Variants in SLC17A5 observed in about 807,000 individuals in gnomAD.
SLC17A5 encodes the protein solute carrier family 17 member 5.
In SLC17A5, 47 loss-of-function variants were observed where a neutral mutation model predicts 59.4. That is an observed-to-expected ratio of 0.79 (90% confidence interval 0.63 to 1.01). SLC17A5 has a LOEUF of 1.01. SLC17A5 is among the 50% of genes least tolerant of loss of function. The pLI is 0.00. For synonymous variants in SLC17A5, 202 were observed against 210.7 expected (o/e 0.96, Z 0.36); for missense variants, 522 against 595.5 (o/e 0.88, Z 1.28).
rs750559102 is a variant in SLC17A5 at position 73,635,397 on chromosome 6, T to A, written c.804A>T (p.Ser268=). ...ISHYEKEYIL[S]SLRNQLSSQK... The stretch of plus-strand genomic sequence containing the variant: ...AAGTCCATACCTGATTTCTTAATGA[T>A]GAAAGAATGTATTCCTTTTCATAAT... The change falls in exon 6 of 11, where the codon TCA becomes TCT. Residue 268 remains serine, a synonymous_variant. Coordinates refer to ENST00000355773, the MANE Select transcript of SLC17A5 (RefSeq NM_012434.5). 1.3e-6 allele frequency: 2 copies of A among 1,566,514 alleles called. No individual in the cohort carries two copies. Among genetic ancestry groups the A allele is most frequent in the Non-Finnish European group, 1.8e-6 (2 of 1,138,446 alleles).
At chr6:73,635,628 A>G (rs1459587854) in intron 5 of SLC17A5, 128 bp from the exon 6 acceptor site, 3 of 599,466 alleles carry the variant, frequency 5.0e-6, no homozygotes, top group African/African-American at 1.9e-5. Context: ...TTATGTAACT[A>G]TAAATTCAAT....
Position 73,621,793 on chromosome 6 carries a change from T to G in SLC17A5, c.978+11A>C, listed in dbSNP as rs757453706. 1 of 1,590,890 alleles carries G rather than the reference T, an allele frequency of 6.3e-7. No individual in the cohort carries two copies. Among genetic ancestry groups the G allele is most frequent in the Admixed American group, 1.7e-5 (1 of 59,766 alleles). On this transcript the variant is annotated intron_variant, in intron 7 of 10. Coordinates refer to ENST00000355773, the MANE Select transcript of SLC17A5 (RefSeq NM_012434.5). ...TATATATATAAGAAGCAGATGATTA[T>G]TTTTTCTTACCTCTTGAACATTGAA...
rs1769121550 is a variant in SLC17A5 at position 73,638,359 on chromosome 6, A to G, written c.613+53T>C. The stretch of plus-strand genomic sequence containing the variant: ...CTGGTATGCAGGCCCTTTTTCCCAA[A>G]GGTTGATATATACATAACATATTAC... On this transcript the variant is annotated intron_variant, in intron 4 of 10. Coordinates refer to ENST00000355773, the MANE Select transcript of SLC17A5 (RefSeq NM_012434.5). 5.2e-6 allele frequency: 7 copies of G among 1,335,472 alleles called. No individual in the cohort carries two copies. In the South Asian group the frequency reaches 8.4e-5, roughly 16 times the overall value. 82.7% of individuals were successfully genotyped at this position (1,335,472 alleles called of 1,614,324 possible).
intron 7 of SLC17A5, among the ~76,000 whole-genome samples, chr6:73,616,678 G>C (rs974383380): frequency 6.7e-6 from 1 of 148,278 alleles, no homozygotes; most frequent in South Asian, 2.2e-4. Context: ...GCGTGATCTT[G>C]GCTCATTGCA....
At chr6:73,642,690 T>A (rs72951402) in intron 2 of SLC17A5, among the ~76,000 whole-genome samples, 47 of 152,328 alleles carry the variant, frequency 3.1e-4, no homozygotes, top group Non-Finnish European at 5.6e-4. Flanking sequence ...GATCTGAGTA[T>A]CTGACATTTT....
In SLC17A5 at chr6:73,653,937, G is replaced by C; in HGVS notation, c.-51C>G. 6.7e-7 allele frequency: 1 copy of C among 1,495,878 alleles called. No individual in the cohort carries two copies. The highest frequency in any genetic ancestry group is 9.1e-7 in the Non-Finnish European group (1 of 1,097,342). 92.7% of individuals were successfully genotyped at this position (1,495,878 alleles called of 1,614,324 possible). A position where few individuals can be genotyped will look rare whatever the true frequency, so the allele number is the denominator to read the frequency against. ...GCCACCTGGCAGAGAAGGGAGCGCC[G>C]GCCCGACAGCCCGAAGCCCCCGGGC... On this transcript the variant is annotated 5_prime_UTR_variant, in exon 1 of 11. Coordinates refer to ENST00000355773, the MANE Select transcript of SLC17A5 (RefSeq NM_012434.5).
At chr6:73,603,494 C>G (rs1767255311) in intron 9 of SLC17A5, among the ~76,000 whole-genome samples, 2 of 149,648 alleles carry the variant, frequency 1.3e-5, no homozygotes, top group Admixed American at 1.3e-4. Flanking sequence ...GATCTTGGCT[C>G]ATTACAACTT....
chr6:73,597,700 A>C (rs1423559156), intron 10 of SLC17A5, among the ~76,000 whole-genome samples: 1 of 150,836 alleles, frequency 6.6e-6, no homozygotes, highest in African/African-American at 2.4e-5. Flanking sequence ...TAGGAAGATC[A>C]CCTGAGCCTG....
chr6:73,644,151 C>A (rs1156315158), intron 2 of SLC17A5, among the ~76,000 whole-genome samples: 1 of 152,106 alleles, frequency 6.6e-6, no homozygotes, highest in East Asian at 1.9e-4. Context: ...TCCAAATTTT[C>A]TTTAAGCATG....
In SLC17A5 at chr6:73,615,880, C is replaced by CTTTTTTTT. The variant is rs71674685; in HGVS notation, c.979-441_979-434dup. ...CATAAACATAGCTTAATGAATCATT[C>CTTTTTTTT]TTTTTTTTTTTTTTTTTTTTTTTGA... On this transcript the variant is annotated intron_variant, in intron 7 of 10. Transcript: ENST00000355773. 1.2e-4 allele frequency among the ~76,000 whole-genome samples: 12 copies of CTTTTTTTT among 97,578 alleles called. 1 individual carries two copies. The highest frequency in any genetic ancestry group is 3.2e-4 in the East Asian group (1 of 3,166). The allele number at this position is 97,578 out of a possible 152,430, so 64.0% of individuals were successfully genotyped here.
At chr6:73,635,174 C>T (rs867983307) in intron 6 of SLC17A5, 24 of 371,094 alleles carry the variant, frequency 6.5e-5, no homozygotes, top group Middle Eastern at 7.5e-4. Context: ...CTCAAATGAT[C>T]CTCCCACCTA....
At position 73,641,374 on chromosome 6, in the gene SLC17A5, C is replaced by T. The variant is rs487490; in HGVS notation, c.525+317G>A. Among the ~76,000 whole-genome samples, 24,723 of 152,068 alleles carry T rather than the reference C, an allele frequency of 0.16. 3,067 individuals carry two copies. Among genetic ancestry groups the T allele is most frequent in the African/African-American group, 0.34 (14,138 of 41,424 alleles). ...GATTACAGGCATGAGCCACCACGCC[C>T]GGACTATCTTAACCATTTATTAATG... is the stretch of plus-strand genomic sequence containing the variant. On this transcript the variant is annotated intron_variant, in intron 3 of 10. Transcript: ENST00000355773.
intron 6 of SLC17A5, among the ~76,000 whole-genome samples, chr6:73,627,360 C>T (rs753448375): frequency 9.9e-5 from 15 of 152,078 alleles, no homozygotes; most frequent in African/African-American, 2.2e-4. Flanking sequence ...CAGGTGTGAG[C>T]GACCGTGCCT....
At position 73,611,080 on chromosome 6, in the gene SLC17A5, G is replaced by A. The variant is rs369890544; in HGVS notation, c.1112-533C>T. 5.3e-5 allele frequency among the ~76,000 whole-genome samples: 8 copies of A among 151,894 alleles called. No individual in the cohort carries two copies. The East Asian group carries it at 5.8e-4, about 11-fold the overall frequency. On this transcript the variant is annotated intron_variant, in intron 8 of 10. Coordinates refer to ENST00000355773, the MANE Select transcript of SLC17A5 (RefSeq NM_012434.5). The stretch of plus-strand genomic sequence containing the variant: ...CAACACAGCAAGACCCTGTCTCTAC[G>A]AAATATTAAAAACAAAATTCGCCAG...
chr6:73,604,440 C>T lies in SLC17A5; in HGVS notation c.1260-3999G>A, dbSNP rs202147640. ...CCATGAATTCGGGCAACAAAATTAC[C>T]ATAGAAAAATCTCTATTTTGGGGCC... is the stretch of plus-strand genomic sequence containing the variant. On this transcript the variant is annotated intron_variant, in intron 9 of 10. Coordinates refer to ENST00000355773, the MANE Select transcript of SLC17A5 (RefSeq NM_012434.5). Among the ~76,000 whole-genome samples, 3 of 152,040 alleles carry T rather than the reference C, an allele frequency of 2.0e-5. No individual in the cohort carries two copies. The East Asian group carries it at 5.8e-4, about 29-fold the overall frequency.
chr6:73,623,090 G>A (rs911609164), intron 6 of SLC17A5, among the ~76,000 whole-genome samples: 1 of 152,142 alleles, frequency 6.6e-6, no homozygotes, highest in Non-Finnish European at 1.5e-5. Context: ...AGGCTGGAGT[G>A]CAGTGGCATG....
At position 73,653,982 on chromosome 6, in the gene SLC17A5, G is replaced by A. The variant is rs1020138480; in HGVS notation, c.-96C>T. On this transcript the variant is annotated 5_prime_UTR_variant, in exon 1 of 11. Transcript: ENST00000355773. The stretch of plus-strand genomic sequence containing the variant: ...CCGGGCCGAGCTGGCTGGACCGGGC[G>A]GGGCGGGGGCGATGACACCGCCCCG... 7.9e-6 allele frequency: 9 copies of A among 1,142,588 alleles called. No homozygotes were observed. The highest frequency in any genetic ancestry group is 1.0e-5 in the Non-Finnish European group (8 of 791,320). The allele number at this position is 1,142,588 out of a possible 1,614,324, so 70.8% of individuals were successfully genotyped here. A position where few individuals can be genotyped will look rare whatever the true frequency, so the allele number is the denominator to read the frequency against.
At chr6:73,602,856 G>T (rs1328799203) in intron 9 of SLC17A5, among the ~76,000 whole-genome samples, 1 of 151,550 alleles carries the variant, frequency 6.6e-6, no homozygotes, top group Non-Finnish European at 1.5e-5. Flanking sequence ...AAAGTTCTGA[G>T]ATATCATTTT....
chr6:73,641,875 G>T lies in SLC17A5; in HGVS notation c.341C>A (p.Ser114Tyr), dbSNP rs1352539459. ...TGTGATGATGTAGCCATAAAAAAAG[G>T]AACCGAGAATCCATCCTTGAGTTTC... ...DAETQGWILG[S>Y]FFYGYIITQI... Residue 114 changes from serine to tyrosine, a missense_variant, in exon 3 of 11, where the codon TCC becomes TAC. Around this residue, in one of 3 missense-constraint regions of SLC17A5, gnomAD observed 338 missense variants for 363.8 expected, o/e 0.93. Transcript: ENST00000355773. 1.2e-6 allele frequency: 2 copies of T among 1,614,094 alleles called. No individual in the cohort carries two copies. The highest frequency in any genetic ancestry group is 3.3e-5 in the Admixed American group (2 of 60,014).
Sources: gnomAD v4.1 joint callset for allele counts (sites outside exome capture counted in the v4.1 genomes callset) on GRCh38, gnomAD v4.1.1 for gene constraint, gnomAD v4.1.1 regional missense constraint, MANE v1.5 for transcripts, NCBI Gene and HGNC (gene_info 2026-07-23, HGNC 2026-07-21) for gene names.